Variants in SF3B1 observed in about 807,000 individuals in gnomAD.
SF3B1 encodes splicing factor 3b subunit 1, also known as pre-mRNA processing 10.
In SF3B1, 12 loss-of-function variants were observed where a neutral mutation model predicts 153.8. The observed-to-expected ratio is 0.08, with a 90% CI of 0.05 to 0.13. The LOEUF is 0.13. Among genes scored for constraint, SF3B1 ranks in the 10% least tolerant of loss-of-function variants. SF3B1 has a pLI of 1.00. For missense variants in SF3B1, 513 were observed against 1,606.1 expected, an observed-to-expected ratio of 0.32 and a Z score of 11.63; for synonymous variants, 498 against 525.2, an observed-to-expected ratio of 0.95 and a Z score of 0.71.
At chr2:197,399,229 G>T (rs1424592030) in intron 20 of SF3B1, among the ~76,000 whole-genome samples, 1 of 152,198 alleles carries the variant, frequency 6.6e-6, no homozygotes, top group African/African-American at 2.4e-5. Context: ...TTCAAGTATA[G>T]AGGATAGGGT....
At chr2:197,408,178 A>C in intron 8 of SF3B1, 59 bp from the exon 9 acceptor site, 1 of 1,461,206 alleles carries the variant, frequency 6.8e-7, no homozygotes, top group Non-Finnish European at 9.4e-7. Flanking sequence ...TATTACATAC[A>C]TTGAGATAAA....
intron 11 of SF3B1, 42 bp downstream of exon 11, chr2:197,405,034 A>G: frequency 7.4e-7 from 1 of 1,345,440 alleles, no homozygotes; most frequent in Non-Finnish European, 1.0e-6. Context: ...TTAATTAAAT[A>G]AATAAGCAAC....
chr2:197,412,268 T>C (rs541482865), intron 6 of SF3B1, among the ~76,000 whole-genome samples: 3 of 152,098 alleles, frequency 2.0e-5, no homozygotes, highest in Non-Finnish European at 4.4e-5. Context: ...TCTATTGTAA[T>C]TCCTACAATT....
intron 1 of SF3B1, among the ~76,000 whole-genome samples, chr2:197,425,116 C>T (rs1186774277): frequency 1.3e-5 from 2 of 151,920 alleles, no homozygotes; most frequent in Non-Finnish European, 2.9e-5. Context: ...AGATCACGTG[C>T]CACTGCACTT....
At chr2:197,424,088 C>T (rs1435069476) in intron 1 of SF3B1, 114 bp from the exon 2 acceptor site, 4 of 876,002 alleles carry the variant, frequency 4.6e-6, no homozygotes, top group Non-Finnish European at 7.0e-6. Flanking sequence ...AGAAAATGTA[C>T]AATAATTGCA....
chr2:197,393,694 G>A (rs550400498), intron 23 of SF3B1, among the ~76,000 whole-genome samples: 40 of 151,952 alleles, frequency 2.6e-4, no homozygotes, highest in South Asian at 8.3e-4. Context: ...CTTGTGATCT[G>A]CCCGCCTCAG....
intron 4 of SF3B1, 106 bp from the exon 5 acceptor site, chr2:197,418,694 TTTAAA>T (rs2085193646): frequency 4.1e-6 from 6 of 1,457,800 alleles, no homozygotes; most frequent in South Asian, 1.5e-5. Context: ...TCCATAATCA[TTTAAA>T]TTATTTTTTG....
Position 197,402,147 on chromosome 2 carries a change from A to C in SF3B1, c.2078-17T>G, listed in dbSNP as rs1230521736. On this transcript the variant is annotated splice_polypyrimidine_tract_variant and intron_variant, in intron 14 of 24. Coordinates refer to ENST00000335508, the MANE Select transcript of SF3B1 (RefSeq NM_012433.4). This position sits in a 1 kb window ranked among gnomAD's most constrained non-coding sequence, Gnocchi z 4.6. The stretch of plus-strand genomic sequence containing the variant: ...CCACAAGACCTACAAAACCAAACAC[A>C]GGTTTTAACTATGCCCCAACATTAC... 4 of 1,584,588 alleles carry C rather than the reference A, an allele frequency of 2.5e-6. No individual in the cohort carries two copies. The African/African-American group carries it at 5.4e-5, about 22-fold the overall frequency.
chr2:197,427,911 C>A (rs1020419495), intron 1 of SF3B1, among the ~76,000 whole-genome samples: 1 of 151,966 alleles, frequency 6.6e-6, no homozygotes, highest in East Asian at 1.9e-4. Flanking sequence ...CCCAGCTACT[C>A]AGGAGGCTGA....
intron 1 of SF3B1, among the ~76,000 whole-genome samples, chr2:197,428,216 G>A (rs755779452): frequency 6.6e-6 from 1 of 152,006 alleles, no homozygotes; most frequent in Non-Finnish European, 1.5e-5. Context: ...AGATACTCAG[G>A]AGGCTGAGGT....
rs568482769 is a variant in SF3B1 at position 197,434,834 on chromosome 2, G to A, written c.28+138C>T. 2.6e-5 allele frequency: 22 copies of A among 862,080 alleles called. No individual in the cohort carries two copies. In the South Asian group the frequency reaches 3.1e-4, roughly 12 times the overall value. The allele number at this position is 862,080 out of a possible 1,614,324, so 53.4% of individuals were successfully genotyped here. A position where few individuals can be genotyped will look rare whatever the true frequency, so the allele number is the denominator to read the frequency against. ...GGGCAGTGGCCTGCGCCGCTGGCGC[G>A]GAGGAGACGACCCTTGGCCCCGAAA... On this transcript the variant is annotated intron_variant, in intron 1 of 24. Coordinates refer to ENST00000335508, the MANE Select transcript of SF3B1 (RefSeq NM_012433.4).
chr2:197,426,475 T>A (rs1301732003), intron 1 of SF3B1, among the ~76,000 whole-genome samples: 7 of 152,042 alleles, frequency 4.6e-5, no homozygotes, highest in African/African-American at 1.4e-4. Flanking sequence ...GCTTTTTTTT[T>A]AAACCACAGG....
At chr2:197,393,940 T>G (rs1161956493) in intron 23 of SF3B1, among the ~76,000 whole-genome samples, 1 of 152,088 alleles carries the variant, frequency 6.6e-6, no homozygotes, top group South Asian at 2.1e-4. Flanking sequence ...TCCTAGCGCT[T>G]TGGGAGGCCG....
chr2:197,393,371 T>C, intron 23 of SF3B1, 183 bp from the exon 24 acceptor site: 1 of 584,306 alleles, frequency 1.7e-6, no homozygotes, highest in Non-Finnish European at 3.1e-6. Flanking sequence ...ATATATCCTT[T>C]AGAATAGCTT....
intron 4 of SF3B1, chr2:197,419,255 C>A (rs2085202887): frequency 2.8e-6 from 1 of 358,954 alleles, no homozygotes. Context: ...AAATATATTA[C>A]TTCTACCAGT....
chr2:197,407,461 C>T (rs918477896), intron 9 of SF3B1, among the ~76,000 whole-genome samples: 3 of 151,948 alleles, frequency 2.0e-5, no homozygotes, highest in African/African-American at 7.3e-5. Context: ...AAAGATGAGC[C>T]GGGCATGGTG....
At chr2:197,413,551 C>G (rs1296661362) in intron 6 of SF3B1, among the ~76,000 whole-genome samples, 1 of 152,140 alleles carries the variant, frequency 6.6e-6, no homozygotes, top group Non-Finnish European at 1.5e-5. Context: ...TTATATATCC[C>G]TGTTCTGGGT....
rs144850717 is a variant in SF3B1, at chr2:197,414,887, C to T, written c.666+1854G>A. Among the ~76,000 whole-genome samples the T allele has an allele frequency of 7.1e-3, 1,083 of 151,994 alleles. 16 individuals carry two copies. Among genetic ancestry groups the T allele is most frequent in the African/African-American group, 0.025 (1,035 of 41,452 alleles). ...GGCATGGTGGTACGTGTCTATAGTC[C>T]CATCTACTTGGGGGGTTGAGGTGGG... is the stretch of plus-strand genomic sequence containing the variant. On this transcript the variant is annotated intron_variant, in intron 6 of 24. Coordinates refer to ENST00000335508, the MANE Select transcript of SF3B1 (RefSeq NM_012433.4).
intron 1 of SF3B1, among the ~76,000 whole-genome samples, chr2:197,430,341 T>C (rs1182970953): frequency 1.3e-5 from 2 of 152,226 alleles, no homozygotes; most frequent in Non-Finnish European, 2.9e-5. Flanking sequence ...TTCAAAATAA[T>C]GGGAAGAGTA....
Sources: allele counts gnomAD v4.1 joint callset (sites outside exome capture counted in the v4.1 genomes callset), GRCh38; gene constraint gnomAD v4.1.1; non-coding constraint Gnocchi (gnomAD v3.1); transcripts MANE v1.5; gene names NCBI Gene and HGNC (gene_info 2026-07-23, HGNC 2026-07-21).